COL25A1: variants seen among roughly 807,000 people sequenced by gnomAD.
The protein encoded by COL25A1 is collagen alpha-1(XXV) chain.
A neutral mutation model predicts 128.4 loss-of-function variants in COL25A1; 103 were observed. The observed-to-expected ratio is 0.80, with a 90% CI of 0.68 to 0.94. COL25A1 has a LOEUF of 0.94. Among genes scored for constraint, COL25A1 ranks in the 40% least tolerant of loss-of-function variants. The probability of loss-of-function intolerance (pLI) is 0.00; values close to 1 mark genes in which losing one functional copy is unlikely to be tolerated. For missense variants in COL25A1, 745 were observed against 840.0 expected, an observed-to-expected ratio of 0.89 and a Z score of 1.40; for synonymous variants, 279 against 277.2, an observed-to-expected ratio of 1.01 and a Z score of -0.06.
chr4:109,119,026 TAAC>T (rs1767870835), intron 3 of COL25A1, among the ~76,000 whole-genome samples: 1 of 151,822 alleles, frequency 6.6e-6, no homozygotes, highest in Non-Finnish European at 1.5e-5. Context: ...TGCTGGCAGA[TAAC>T]AATGGAATGA....
chr4:108,926,388 G>T (rs1162022302), intron 11 of COL25A1, among the ~76,000 whole-genome samples: 1 of 152,122 alleles, frequency 6.6e-6, no homozygotes, highest in Non-Finnish European at 1.5e-5. Flanking sequence ...ACAAAAAAGA[G>T]GTGGTCCATC....
intron 19 of COL25A1, among the ~76,000 whole-genome samples, chr4:108,879,597 G>A (rs939888575): frequency 2.0e-4 from 30 of 151,888 alleles, no homozygotes; most frequent in African/African-American, 5.6e-4. Context: ...ACAGGCATGC[G>A]CCACCACACT....
chr4:108,993,445 G>A (rs1754425526), intron 6 of COL25A1, among the ~76,000 whole-genome samples: 1 of 152,096 alleles, frequency 6.6e-6, no homozygotes, highest in South Asian at 2.1e-4. Context: ...ATGGGCTAGG[G>A]CACTTCCAAT....
At chr4:108,907,245 A>G (rs1031161741) in intron 13 of COL25A1, among the ~76,000 whole-genome samples, 3 of 152,080 alleles carry the variant, frequency 2.0e-5, no homozygotes, top group African/African-American at 7.2e-5. Context: ...CTTCCAAGAA[A>G]AACCCTCCAG....
At chr4:108,817,579 G>A (rs186481198) in intron 36 of COL25A1, 144 bp from the exon 37 acceptor site, 231 of 634,200 alleles carry the variant, frequency 3.6e-4, no homozygotes, top group Non-Finnish European at 5.6e-4. Context: ...AGCAACTCCC[G>A]ATATATTTCC....
intron 3 of COL25A1, among the ~76,000 whole-genome samples, chr4:109,263,976 T>G (rs1413659522): frequency 6.6e-6 from 1 of 152,206 alleles, no homozygotes; most frequent in Non-Finnish European, 1.5e-5. Flanking sequence ...TTCATTCATG[T>G]CACTTAGAGC....
intron 3 of COL25A1, among the ~76,000 whole-genome samples, chr4:109,260,342 A>G (rs1781359221): frequency 6.6e-6 from 1 of 152,206 alleles, no homozygotes; most frequent in Non-Finnish European, 1.5e-5. Context: ...ATTGGGTACA[A>G]TGGGGAAGGA....
intron 11 of COL25A1, among the ~76,000 whole-genome samples, chr4:108,933,316 C>T (rs1205049059): frequency 1.3e-5 from 2 of 152,058 alleles, no homozygotes; most frequent in African/African-American, 2.4e-5. Flanking sequence ...ATGACACAAA[C>T]CAACAAATGT....
At chr4:109,104,399 T>TCA (rs1432221155) in intron 3 of COL25A1, among the ~76,000 whole-genome samples, 778 of 77,476 alleles carry the variant, frequency 0.01, 9 homozygotes, top group African/African-American at 0.037. Flanking sequence ...AAAAAGGAAA[T>TCA]CACTCTCTCT....
chr4:109,253,378 C>G (rs1780793520), intron 3 of COL25A1, among the ~76,000 whole-genome samples: 1 of 152,090 alleles, frequency 6.6e-6, no homozygotes, highest in Non-Finnish European at 1.5e-5. Flanking sequence ...AGCTGCAGTC[C>G]AAGTCTGAGT....
intron 3 of COL25A1, among the ~76,000 whole-genome samples, chr4:109,175,893 C>T (rs1217880957): frequency 1.3e-5 from 2 of 152,166 alleles, no homozygotes; most frequent in African/African-American, 4.8e-5. Context: ...TTAGCTTATA[C>T]TTTATGACCT....
intron 3 of COL25A1, among the ~76,000 whole-genome samples, chr4:109,203,044 A>G (rs570189301): frequency 6.6e-6 from 1 of 152,258 alleles, no homozygotes; most frequent in South Asian, 2.1e-4. Context: ...AAGTCCTAGA[A>G]CTAGAGGATG....
intron 3 of COL25A1, among the ~76,000 whole-genome samples, chr4:109,093,210 C>G (rs1765083442): frequency 6.6e-6 from 1 of 152,090 alleles, no homozygotes; most frequent in Admixed American, 6.5e-5. Flanking sequence ...CCAACTAAAA[C>G]TAAAAATCAC....
intron 32 of COL25A1, among the ~76,000 whole-genome samples, 194 bp from the exon 33 acceptor site, chr4:108,827,382 G>C (rs1732523163): frequency 3.3e-5 from 5 of 152,178 alleles, no homozygotes; most frequent in Admixed American, 3.3e-4. Context: ...AATCACCTTT[G>C]AAAGAGGGGC....
chr4:108,845,167 A>G (rs778632421), intron 29 of COL25A1, 22 bp downstream of exon 29: 1 of 1,604,538 alleles, frequency 6.2e-7, no homozygotes, highest in Non-Finnish European at 8.5e-7. Flanking sequence ...GAACAATGGA[A>G]GTTCAGCCAC....
chr4:109,153,492 A>G (rs748418160), intron 3 of COL25A1, among the ~76,000 whole-genome samples: 8 of 152,104 alleles, frequency 5.3e-5, no homozygotes, highest in Non-Finnish European at 1.2e-4. Context: ...AAAGGGAAAT[A>G]TTTCACAAGA....
At chr4:108,993,868 A>AAAC (rs1165166789) in intron 6 of COL25A1, among the ~76,000 whole-genome samples, 6 of 151,748 alleles carry the variant, frequency 4.0e-5, no homozygotes, top group African/African-American at 1.2e-4. Flanking sequence ...CTCAAAAAAA[A>AAAC]AAAAACAAGA....
At chr4:108,829,948 T>C (rs140255791) in intron 32 of COL25A1, among the ~76,000 whole-genome samples, 1 of 152,326 alleles carries the variant, frequency 6.6e-6, no homozygotes, top group East Asian at 1.9e-4. Flanking sequence ...TGGACCACTG[T>C]GCCCAGCTTG....
intron 16 of COL25A1, among the ~76,000 whole-genome samples, chr4:108,891,368 T>C (rs958778594): frequency 6.6e-6 from 1 of 152,228 alleles, no homozygotes; most frequent in East Asian, 1.9e-4. Context: ...ACTGTCTTAC[T>C]GTAGAATGAG....
Sources: gnomAD v4.1 joint callset for allele counts (sites outside exome capture counted in the v4.1 genomes callset) on GRCh38, gnomAD v4.1.1 for gene constraint, MANE v1.5 for transcripts, NCBI Gene and HGNC (gene_info 2026-07-23, HGNC 2026-07-21) for gene names.